The following KRT86 variants were observed in gnomAD, a reference collection of about 807,000 sequenced individuals.
The protein encoded by KRT86 is keratin 86.
KRT86 carries 30 observed loss-of-function variants against 41.2 expected under a neutral mutation model. The observed-to-expected ratio is 0.73, with a 90% confidence interval of 0.54 to 0.99. The LOEUF is 0.99. KRT86 is among the 50% of genes least tolerant of loss of function. KRT86 has a pLI of 0.00. For synonymous variants in KRT86, 238 were observed against 238.1 expected (o/e 1.00, Z 0.00); for missense variants, 561 against 571.4 (o/e 0.98, Z 0.19).
chr12:52,304,801 G>A, intron 5 of KRT86, 131 bp from the exon 6 acceptor site: 1 of 1,039,870 alleles, frequency 9.6e-7, no homozygotes, highest in Non-Finnish European at 1.5e-6. Flanking sequence ...GGCCAGAAGG[G>A]AAGGAGAGGG....
chr12:52,301,839 C>T (rs1242601978), intron 2 of KRT86, 74 bp from the exon 3 acceptor site: 30 of 1,613,102 alleles, frequency 1.9e-5, no homozygotes, highest in Middle Eastern at 1.6e-4. Flanking sequence ...AAGTAGTGAA[C>T]GCCTGACGCC....
At chr12:52,277,029 A>G (rs1046546692) in intron 2 of KRT86, among the ~76,000 whole-genome samples, 1 of 152,170 alleles carries the variant, frequency 6.6e-6, no homozygotes. Flanking sequence ...TCAGGGTCCC[A>G]CCAGCCACAG....
chr12:52,291,007 G>A, intron 2 of KRT86: 1 of 436,490 alleles, frequency 2.3e-6, no homozygotes, highest in Non-Finnish European at 3.8e-6. Context: ...GGCAGGCAGA[G>A]GTCTTTGTGC....
In KRT86 at chr12:52,306,181, C is replaced by A. The variant is rs1441954577; in HGVS notation, c.1148C>A (p.Ala383Asp). ...CTGCAGAAGGCCAAGCAGGACATGG[C>A]CTGCCTGATCAGGGAGTACCAGGAG... The part of the protein sequence containing the change: ...GALQKAKQDM[A>D]CLIREYQEVM... Residue 383 changes from alanine (A) to aspartate (D), a missense_variant, in exon 9 of 11, where the codon GCC becomes GAC. Transcript: ENST00000423955. 1 of 1,613,734 alleles carries A rather than the reference C, an allele frequency of 6.2e-7. No individual in the cohort carries two copies. The highest frequency in any genetic ancestry group is 1.3e-5 in the African/African-American group (1 of 74,910).
rs745959240 is a variant in KRT86, at chr12:52,291,464, A to C, written c.-4-10449A>C. The C allele has an allele frequency of 1.9e-6, 3 of 1,612,962 alleles. No homozygotes were observed. The highest frequency in any genetic ancestry group is 1.1e-5 in the South Asian group (1 of 90,928). On this transcript the variant is annotated intron_variant, in intron 2 of 10. Coordinates refer to ENST00000423955, the MANE Select transcript of KRT86 (RefSeq NM_001320198.2). Reference sequence around the variant, plus strand: ...CCCACCAAATCCTGATCCGCAGGTCATGATCCTCCTGGACGTTTGGGTTGC... The same window carrying C: ...CCCACCAAATCCTGATCCGCAGGTCCTGATCCTCCTGGACGTTTGGGTTGC...
chr12:52,302,871 G>A (rs568982829), intron 3 of KRT86, among the ~76,000 whole-genome samples: 142 of 144,160 alleles, frequency 9.9e-4, no homozygotes, highest in African/African-American at 3.4e-3. Flanking sequence ...TCCCCAGGGA[G>A]CAGGCACTGA....
intron 2 of KRT86, among the ~76,000 whole-genome samples, chr12:52,298,425 G>T (rs1031721839): frequency 2.6e-5 from 4 of 152,228 alleles, no homozygotes; most frequent in African/African-American, 9.6e-5. Flanking sequence ...AGATAAGGCG[G>T]TTAATGAAAA....
intron 2 of KRT86, among the ~76,000 whole-genome samples, chr12:52,277,279 C>T (rs557130931): frequency 1.9e-4 from 29 of 152,042 alleles, no homozygotes; most frequent in African/African-American, 3.1e-4. Flanking sequence ...CCTAGATAGC[C>T]GGTTTCAAAT....
At chr12:52,301,026 T>C (rs1938360249) in intron 2 of KRT86, among the ~76,000 whole-genome samples, 1 of 152,044 alleles carries the variant, frequency 6.6e-6, no homozygotes, top group Admixed American at 6.5e-5. Flanking sequence ...TATGACCTAA[T>C]AAGGTGGCCT....
chr12:52,281,175 A>G (rs928209256), intron 2 of KRT86, among the ~76,000 whole-genome samples: 2 of 152,224 alleles, frequency 1.3e-5, no homozygotes, highest in Middle Eastern at 3.2e-3. Flanking sequence ...GTCATTCCCC[A>G]GCCCATTTAT....
At chr12:52,275,972 A>T in intron 2 of KRT86, 26 bp downstream of exon 2, 1 of 985,934 alleles carries the variant, frequency 1.0e-6, no homozygotes, top group Middle Eastern at 5.2e-4. Context: ...GGGGGGCAAC[A>T]GAGTGGCCAT....
intron 2 of KRT86, among the ~76,000 whole-genome samples, chr12:52,296,395 T>C (rs1938251784): frequency 1.3e-5 from 2 of 152,196 alleles, no homozygotes; most frequent in Middle Eastern, 3.4e-3. Context: ...GTAGGCCCAC[T>C]GGAAGAGGTG....
chr12:52,301,543 C>T (rs1938375855), intron 2 of KRT86, among the ~76,000 whole-genome samples: 1 of 152,178 alleles, frequency 6.6e-6, no homozygotes, highest in South Asian at 2.1e-4. Context: ...CGCCCCTTCC[C>T]TTCCATTCCA....
chr12:52,288,301 C>T (rs1938026294), intron 2 of KRT86: 1 of 1,610,608 alleles, frequency 6.2e-7, no homozygotes, highest in Non-Finnish European at 8.5e-7. Flanking sequence ...TCCAACACTC[C>T]CACCCCCAAC....
At chr12:52,281,977 G>A (rs1277799736) in intron 2 of KRT86, among the ~76,000 whole-genome samples, 2 of 152,130 alleles carry the variant, frequency 1.3e-5, no homozygotes, top group Admixed American at 1.3e-4. Context: ...TTGGCCTCAA[G>A]CAATCCTCCT....
chr12:52,308,272 G>A lies in KRT86; in HGVS notation c.1279+8G>A, dbSNP rs1478855903. On this transcript the variant is annotated splice_region_variant and intron_variant, in intron 10 of 10. Transcript: ENST00000423955. ...TCGGCTCGGTGAATGTCTGTAAGTA[G>A]TGGGGTCCGTCCCCTCCTCCCGCTG... 6.2e-7 allele frequency: 1 copy of A among 1,614,088 alleles called. No individual in the cohort carries two copies. The highest frequency in any genetic ancestry group is 1.3e-5 in the African/African-American group (1 of 74,960).
At chr12:52,288,720 A>T (rs2121244995) in intron 2 of KRT86, among the ~76,000 whole-genome samples, 1 of 151,726 alleles carries the variant, frequency 6.6e-6, no homozygotes, top group Non-Finnish European at 1.5e-5. Flanking sequence ...CTCCTGCTCC[A>T]GGAAGCCTGC....
intron 2 of KRT86, among the ~76,000 whole-genome samples, chr12:52,295,310 T>C (rs1938222633): frequency 6.6e-6 from 1 of 152,186 alleles, no homozygotes; most frequent in Non-Finnish European, 1.5e-5. Flanking sequence ...GGTGTTATTA[T>C]TCTCGTTTTA....
chr12:52,274,682 C>T lies in KRT86; in HGVS notation c.-171C>T, dbSNP rs1233252177. 2 of 985,342 alleles carry T rather than the reference C, an allele frequency of 2.0e-6. No homozygotes were observed. Among genetic ancestry groups the T allele is most frequent in the Middle Eastern group, 5.2e-4 (1 of 1,914 alleles). 61.0% of individuals were successfully genotyped at this position (985,342 alleles called of 1,614,324 possible). A position where few individuals can be genotyped will look rare whatever the true frequency, so the allele number is the denominator to read the frequency against. The stretch of plus-strand genomic sequence containing the variant: ...CTTGGGCTGAAGCTGGGCTTTGGTG[C>T]TCAAGAGAGGCTTGGAGGAGACCAC... On this transcript the variant is annotated 5_prime_UTR_variant, in exon 1 of 11. Transcript: ENST00000423955.
Sources: allele counts gnomAD v4.1 joint callset (sites outside exome capture counted in the v4.1 genomes callset), GRCh38; gene constraint gnomAD v4.1.1; transcripts MANE v1.5; gene names NCBI Gene and HGNC (gene_info 2026-07-23, HGNC 2026-07-21).